Variants in GALNTL6 observed in about 807,000 individuals in gnomAD.
GALNTL6 encodes polypeptide N-acetylgalactosaminyltransferase like 6.
GALNTL6 carries 46 observed loss-of-function variants against 73.7 expected under a neutral mutation model. The ratio of observed to expected loss-of-function variants is 0.62; its 90% CI spans 0.49 to 0.80. The LOEUF (loss-of-function observed/expected upper bound fraction) is 0.80. Among genes scored for constraint, GALNTL6 ranks in the 30% least tolerant of loss-of-function variants. GALNTL6 has a pLI of 0.00. For synonymous variants in GALNTL6, 259 were observed against 263.7 expected (o/e 0.98, Z 0.17); for missense variants, 604 against 755.0 (o/e 0.80, Z 2.34).
intron 5 of GALNTL6, among the ~76,000 whole-genome samples, chr4:172,757,408 T>A (rs1170831647): frequency 6.6e-6 from 1 of 152,208 alleles, no homozygotes; most frequent in Non-Finnish European, 1.5e-5. Context: ...TTAACCCAAC[T>A]GGGTTATAGG....
At chr4:172,322,336 CT>C (rs1257057274) in intron 4 of GALNTL6, among the ~76,000 whole-genome samples, 1 of 152,132 alleles carries the variant, frequency 6.6e-6, no homozygotes, top group Admixed American at 6.6e-5. Context: ...CTTATGCCCC[CT>C]CAGTCGAATT....
intron 2 of GALNTL6, among the ~76,000 whole-genome samples, chr4:172,221,248 T>A (rs1192920825): frequency 6.6e-6 from 1 of 151,888 alleles, no homozygotes; most frequent in Admixed American, 6.6e-5. Context: ...CACAATGAAC[T>A]CAGATTAATA....
chr4:171,834,636 G>A (rs1435193608), intron 2 of GALNTL6, among the ~76,000 whole-genome samples: 11 of 151,946 alleles, frequency 7.2e-5, no homozygotes, highest in Admixed American at 5.9e-4. Context: ...TACAATATGC[G>A]ATGGCTAATA....
intron 5 of GALNTL6, among the ~76,000 whole-genome samples, chr4:172,475,367 C>T (rs949120091): frequency 4.6e-5 from 7 of 151,596 alleles, no homozygotes; most frequent in African/African-American, 1.7e-4. Flanking sequence ...CTCATGATTC[C>T]CTCCAATCTT....
intron 5 of GALNTL6, among the ~76,000 whole-genome samples, chr4:172,653,290 G>C (rs1165258638): frequency 6.7e-6 from 1 of 149,838 alleles, no homozygotes; most frequent in African/African-American, 2.5e-5. Context: ...ATTGATGTCA[G>C]CTGACTGCAA....
intron 8 of GALNTL6, among the ~76,000 whole-genome samples, chr4:172,929,070 T>G (rs1748199510): frequency 6.6e-6 from 1 of 152,156 alleles, no homozygotes; most frequent in South Asian, 2.1e-4. Flanking sequence ...GATCTTTCCA[T>G]ATGTTGATAA....
chr4:172,730,426 G>C (rs1470065689), intron 5 of GALNTL6, among the ~76,000 whole-genome samples: 1 of 152,110 alleles, frequency 6.6e-6, no homozygotes, highest in Admixed American at 6.5e-5. Flanking sequence ...TTTTGATAAG[G>C]GTTTTTTAAT....
At chr4:171,823,060 T>C (rs942574997) in intron 2 of GALNTL6, among the ~76,000 whole-genome samples, 12 of 152,152 alleles carry the variant, frequency 7.9e-5, no homozygotes, top group Non-Finnish European at 1.6e-4. Context: ...AAAAAGAAAC[T>C]AATTGGCAAT....
intron 5 of GALNTL6, among the ~76,000 whole-genome samples, chr4:172,435,379 A>C (rs961088317): frequency 2.6e-5 from 4 of 152,126 alleles, no homozygotes; most frequent in Non-Finnish European, 5.9e-5. Flanking sequence ...AAGAACATGA[A>C]CTTAGTTAAG....
At chr4:172,387,829 T>A (rs867486996) in intron 5 of GALNTL6, among the ~76,000 whole-genome samples, 1 of 152,178 alleles carries the variant, frequency 6.6e-6, no homozygotes, top group African/African-American at 2.4e-5. Context: ...GAACATTGTT[T>A]TAACTATCCT....
chr4:171,990,098 C>A (rs377364674), intron 2 of GALNTL6, among the ~76,000 whole-genome samples: 1 of 152,032 alleles, frequency 6.6e-6, no homozygotes, highest in Non-Finnish European at 1.5e-5. Context: ...GGACCTAGCT[C>A]GGCCTGCTGA....
chr4:172,330,126 CCT>C (rs1578961360), intron 4 of GALNTL6, among the ~76,000 whole-genome samples: 2 of 152,212 alleles, frequency 1.3e-5, no homozygotes, highest in East Asian at 3.9e-4. Context: ...GGATTCATCC[CCT>C]TTTCTAGGGG....
intron 5 of GALNTL6, among the ~76,000 whole-genome samples, chr4:172,656,186 G>T (rs1731001613): frequency 6.6e-6 from 1 of 152,094 alleles, no homozygotes; most frequent in Non-Finnish European, 1.5e-5. Context: ...CCTGAGCGAG[G>T]GTTGGGTCTG....
At chr4:172,899,385 A>C (rs1241283473) in intron 8 of GALNTL6, among the ~76,000 whole-genome samples, 1 of 151,994 alleles carries the variant, frequency 6.6e-6, no homozygotes, top group Non-Finnish European at 1.5e-5. Context: ...TTTCCCCATC[A>C]CTCAAACGTA....
chr4:172,974,535 T>G (rs987276135), intron 10 of GALNTL6, among the ~76,000 whole-genome samples: 2 of 152,242 alleles, frequency 1.3e-5, no homozygotes, highest in Non-Finnish European at 2.9e-5. Context: ...ATTCATCATT[T>G]AACTAGATAG....
intron 3 of GALNTL6, among the ~76,000 whole-genome samples, chr4:172,249,183 T>G (rs538320843): frequency 4.9e-4 from 75 of 152,302 alleles, no homozygotes; most frequent in African/African-American, 1.8e-3. Context: ...AAGTCCAGGC[T>G]GAGATGGTCT....
intron 2 of GALNTL6, among the ~76,000 whole-genome samples, chr4:172,151,965 T>C (rs1225730773): frequency 1.3e-5 from 2 of 151,092 alleles, no homozygotes; most frequent in African/African-American, 4.9e-5. Flanking sequence ...TATCTATCTA[T>C]CTATCTATCT....
intron 5 of GALNTL6, among the ~76,000 whole-genome samples, chr4:172,455,049 C>G (rs1319252394): frequency 6.6e-6 from 1 of 152,136 alleles, no homozygotes; most frequent in Non-Finnish European, 1.5e-5. Context: ...GGCAAGGGGT[C>G]CAGCCCATGG....
At position 171,818,080 on chromosome 4, in the gene GALNTL6, G is replaced by A. The variant is rs1249896554; in HGVS notation, c.138+3362G>A. On this transcript the variant is annotated intron_variant, in intron 2 of 12. Coordinates refer to ENST00000506823, the MANE Select transcript of GALNTL6 (RefSeq NM_001034845.3). ...ATAATATATTTAGCTGAGAATGATTGCTATATAGTCATTGTAAAGTAATTC... is the reference window on the plus strand; with the variant it reads ...ATAATATATTTAGCTGAGAATGATTACTATATAGTCATTGTAAAGTAATTC... Among the ~76,000 whole-genome samples, 3 of 151,520 alleles carry A rather than the reference G, an allele frequency of 2.0e-5. No homozygotes were observed. The East Asian group carries it at 5.8e-4, about 29-fold the overall frequency.
Sources: allele counts gnomAD v4.1 joint callset (sites outside exome capture counted in the v4.1 genomes callset), GRCh38; gene constraint gnomAD v4.1.1; transcripts MANE v1.5; gene names NCBI Gene and HGNC (gene_info 2026-07-23, HGNC 2026-07-21).